The following OSER1 variants were observed in gnomAD, a reference collection of about 807,000 sequenced individuals.
OSER1 encodes oxidative stress responsive serine rich 1, also known as oxidative stress-responsive serine-rich protein 1.
OSER1 carries 15 observed loss-of-function variants against 26.3 expected under a neutral mutation model. That is an observed-to-expected ratio of 0.57 (90% CI 0.38 to 0.88). The LOEUF (loss-of-function observed/expected upper bound fraction) is 0.88, where lower values mean the gene tolerates loss of function less well. Among genes scored for constraint, OSER1 ranks in the 40% least tolerant of loss-of-function variants. The probability of loss-of-function intolerance (pLI) is 0.00; values close to 1 mark genes in which losing one functional copy is unlikely to be tolerated. For synonymous variants in OSER1, 127 were observed against 128.2 expected (o/e 0.99, Z 0.07); for missense variants, 313 against 353.9 (o/e 0.88, Z 0.93).
chr20:44,198,331 T>C (rs993349332), intron 3 of OSER1, among the ~76,000 whole-genome samples: 1 of 152,136 alleles, frequency 6.6e-6, no homozygotes, highest in African/African-American at 2.4e-5. Context: ...TTATAAAATA[T>C]TTAAATAGCC....
chr20:44,211,526 C>T (rs1211438162), upstream of OSER1, among the ~76,000 whole-genome samples: 2 of 152,102 alleles, frequency 1.3e-5, no homozygotes, highest in Non-Finnish European at 2.9e-5. Flanking sequence ...CGGTGAATCT[C>T]GTGTTTTCAG....
chr20:44,200,128 C>T (rs1269206628), intron 3 of OSER1, among the ~76,000 whole-genome samples: 3 of 152,234 alleles, frequency 2.0e-5, no homozygotes, highest in Admixed American at 2.0e-4. Context: ...TGTCCAGCGC[C>T]CGCACTAGCT....
intron 2 of OSER1, among the ~76,000 whole-genome samples, chr20:44,203,399 T>C (rs903670389): frequency 2.0e-5 from 3 of 152,210 alleles, no homozygotes; most frequent in Non-Finnish European, 4.4e-5. Flanking sequence ...ATTTATCTTA[T>C]GCGGGCAAAC....
At chr20:44,207,593 C>T (rs2073050554) in intron 1 of OSER1, 1 of 152,138 alleles carries the variant, frequency 6.6e-6, no homozygotes, top group Non-Finnish European at 1.5e-5. Flanking sequence ...TTCTTCATAG[C>T]CTGGAATAGT....
At position 44,202,976 on chromosome 20, in the gene OSER1, T is replaced by C. The variant is rs762778107; in HGVS notation, c.176A>G (p.Lys59Arg). The stretch of plus-strand genomic sequence containing the variant: ...AAGCTCTTACCCGTGCCAACTGTCT[T>C]TAGATGCACATGTGGTTTTAGGTTT... ...DTKPKTTCASKDSWHGSTRKS... is the reference protein window; with the variant it reads ...DTKPKTTCASRDSWHGSTRKS... Residue 59 changes from lysine to arginine, a missense_variant, in exon 3 of 4, where the codon AAA (lysine) becomes AGA (arginine). Transcript: ENST00000255174. 1 of 1,600,690 alleles carries C rather than the reference T, an allele frequency of 6.2e-7. No individual in the cohort carries two copies. The highest frequency in any genetic ancestry group is 8.6e-7 in the Non-Finnish European group (1 of 1,167,842).
rs762405177 is a variant in OSER1 at position 44,197,118 on chromosome 20, G to A, written c.813C>T (p.Gly271=). 1 of 1,613,914 alleles carries A rather than the reference G, an allele frequency of 6.2e-7. No homozygotes were observed. Among genetic ancestry groups the A allele is most frequent in the Non-Finnish European group, 8.5e-7 (1 of 1,179,780 alleles). Residue 271 remains glycine (G), a synonymous_variant, in exon 4 of 4, where the codon GGC becomes GGT. Transcript: ENST00000255174. The stretch of plus-strand genomic sequence containing the variant: ...GAATATACAAGTAATACTCCATGTA[G>A]CCTGACAGGTCCTCAATGGTCACAT... ...VDDVTIEDLS[G]YMEYYLYIPK... is the part of the protein sequence containing the mutation.
At chr20:44,203,694 TCACACACACA>T (rs139060435) in intron 2 of OSER1, among the ~76,000 whole-genome samples, 44 of 145,454 alleles carry the variant, frequency 3.0e-4, no homozygotes, top group Admixed American at 1.9e-3. Context: ...CAGACTTTTT[TCACACACACA>T]CACACACACA....
In OSER1 at chr20:44,197,753, A is replaced by G; in HGVS notation, c.192-14T>C. The G allele has an allele frequency of 6.4e-7, 1 of 1,560,178 alleles. No individual in the cohort carries two copies. Among genetic ancestry groups the G allele is most frequent in the South Asian group, 1.1e-5 (1 of 88,788 alleles). ...TTCCTTGTAGACCTAAAGAGGAAAA[A>G]AAATATACAAGAAGATGTTGGGATA... On this transcript the variant is annotated splice_polypyrimidine_tract_variant and intron_variant, in intron 3 of 3. Coordinates refer to ENST00000255174, the MANE Select transcript of OSER1 (RefSeq NM_016470.8).
Position 44,202,943 on chromosome 20 carries a change from T to A in OSER1, c.191+18A>T. On this transcript the variant is annotated intron_variant, in intron 3 of 3. Coordinates refer to ENST00000255174, the MANE Select transcript of OSER1 (RefSeq NM_016470.8). Reference sequence around the variant, plus strand: ...TTATAATATTGGAATAAAAATCATCTCAATAAGAAGCTCTTACCCGTGCCA... The same window carrying A: ...TTATAATATTGGAATAAAAATCATCACAATAAGAAGCTCTTACCCGTGCCA... The A allele has an allele frequency of 7.5e-7, 1 of 1,337,610 alleles. No homozygotes were observed. 82.9% of individuals were successfully genotyped at this position (1,337,610 alleles called of 1,614,324 possible). A position where few individuals can be genotyped will look rare whatever the true frequency, so the allele number is the denominator to read the frequency against.
chr20:44,197,868 G>C (rs1027845314), intron 3 of OSER1, 129 bp from the exon 4 acceptor site: 5 of 616,572 alleles, frequency 8.1e-6, no homozygotes, highest in Non-Finnish European at 1.1e-5. Context: ...TCCTGCAAGA[G>C]ATGCACCTTC....
intron 3 of OSER1, among the ~76,000 whole-genome samples, chr20:44,201,253 T>G (rs2072979017): frequency 1.3e-5 from 2 of 152,234 alleles, no homozygotes; most frequent in South Asian, 4.1e-4. Flanking sequence ...ATAGGTTGTA[T>G]GCAAACACTA....
chr20:44,197,817 A>AT (rs2145918926), intron 3 of OSER1, 78 bp from the exon 4 acceptor site: 2 of 917,686 alleles, frequency 2.2e-6, no homozygotes, highest in South Asian at 3.4e-5. Context: ...ACAGTAGGAA[A>AT]TTTACCTTCC....
rs2072914350 is a variant in OSER1 at position 44,196,035 on chromosome 20, C to T, written c.*1017G>A. ...TAGACACTGTCACTAAATTTGGTGGCTCTGCTCAGGATGGTCTGAACACAT... is the reference window on the plus strand; with the variant it reads ...TAGACACTGTCACTAAATTTGGTGGTTCTGCTCAGGATGGTCTGAACACAT... On this transcript the variant is annotated 3_prime_UTR_variant, in exon 4 of 4. Coordinates refer to ENST00000255174, the MANE Select transcript of OSER1 (RefSeq NM_016470.8). Among the ~76,000 whole-genome samples the T allele has an allele frequency of 6.6e-6, 1 of 152,202 alleles. No homozygotes were observed. The highest frequency in any genetic ancestry group is 1.5e-5 in the Non-Finnish European group (1 of 68,034).
chr20:44,202,837 C>T (rs769294075), intron 3 of OSER1, 124 bp downstream of exon 3: 2 of 507,200 alleles, frequency 3.9e-6, no homozygotes, highest in Non-Finnish European at 7.0e-6. Flanking sequence ...AGGAATAGGT[C>T]CTCATCTAAT....
intron 3 of OSER1, among the ~76,000 whole-genome samples, chr20:44,199,374 C>T (rs1385451180): frequency 6.6e-6 from 1 of 152,182 alleles, no homozygotes; most frequent in African/African-American, 2.4e-5. Context: ...CCCCTTGCCA[C>T]GTGATATCCT....
chr20:44,199,642 T>C (rs957445002), intron 3 of OSER1, among the ~76,000 whole-genome samples: 6 of 152,194 alleles, frequency 3.9e-5, no homozygotes, highest in Non-Finnish European at 5.9e-5. Context: ...GAATCTCCTA[T>C]GTGAAAAATT....
chr20:44,203,114 A>G (rs6073368), intron 2 of OSER1, 40 bp from the exon 3 acceptor site: 1 of 1,043,570 alleles, frequency 9.6e-7, no homozygotes. Flanking sequence ...AAAAAACTGT[A>G]AAATGAGGAG....
intron 1 of OSER1, among the ~76,000 whole-genome samples, chr20:44,209,861 A>T (rs1331179255): frequency 6.6e-6 from 1 of 152,172 alleles, no homozygotes; most frequent in East Asian, 1.9e-4. Flanking sequence ...ATGCGCGGGT[A>T]AGCGTTGTCA....
intron 2 of OSER1, among the ~76,000 whole-genome samples, chr20:44,203,919 G>A (rs1395389844): frequency 6.6e-6 from 1 of 152,072 alleles, no homozygotes; most frequent in African/African-American, 2.4e-5. Flanking sequence ...AAAATGTTGG[G>A]AAATTATTAG....
Sources: allele counts gnomAD v4.1 joint callset (sites outside exome capture counted in the v4.1 genomes callset), GRCh38; gene constraint gnomAD v4.1.1; transcripts MANE v1.5; gene names NCBI Gene and HGNC (gene_info 2026-07-23, HGNC 2026-07-21).